CCDC169: variants seen among roughly 807,000 people sequenced by gnomAD.
The protein encoded by CCDC169 is coiled-coil domain containing 169.
CCDC169 carries 30 observed loss-of-function variants against 36.0 expected under a neutral mutation model. The observed-to-expected ratio is 0.83, with a 90% CI of 0.62 to 1.13. CCDC169 has a LOEUF of 1.13. CCDC169 is among the 50% of genes most tolerant of loss of function. The pLI, the probability that CCDC169 is intolerant of heterozygous loss-of-function variation, is 0.00. For missense variants in CCDC169, 245 were observed against 245.9 expected (o/e 1.00, Z 0.03); for synonymous variants, 85 against 81.5 (o/e 1.04, Z -0.23).
chr13:36,296,349 T>C (rs1342400956), intron 1 of CCDC169, among the ~76,000 whole-genome samples: 1 of 152,160 alleles, frequency 6.6e-6, no homozygotes, highest in Non-Finnish European at 1.5e-5. Flanking sequence ...AGCCTCGGCC[T>C]CCCAAAGTGC....
chr13:36,258,088 C>T (rs573272146), intron 4 of CCDC169, among the ~76,000 whole-genome samples: 4 of 151,772 alleles, frequency 2.6e-5, no homozygotes, highest in Non-Finnish European at 5.9e-5. Context: ...AGAATTTGAC[C>T]CTAGTTTTCA....
At chr13:36,296,713 C>T (rs2138668429) in intron 1 of CCDC169, among the ~76,000 whole-genome samples, 1 of 152,222 alleles carries the variant, frequency 6.6e-6, no homozygotes, top group Middle Eastern at 3.4e-3. Flanking sequence ...ATAGCAATAG[C>T]GGCAGCAAAG....
At chr13:36,248,386 T>C (rs1306401299) in intron 7 of CCDC169, among the ~76,000 whole-genome samples, 6 of 151,932 alleles carry the variant, frequency 3.9e-5, no homozygotes, top group Admixed American at 2.0e-4. Flanking sequence ...TAATATATTA[T>C]CGTGCTTGAG....
intron 4 of CCDC169, chr13:36,279,993 G>A (rs1435737197): frequency 2.0e-5 from 3 of 151,990 alleles, no homozygotes; most frequent in East Asian, 1.9e-4. Flanking sequence ...GCTAATTTAC[G>A]TAATTCATGA....
intron 4 of CCDC169, among the ~76,000 whole-genome samples, chr13:36,262,738 T>C (rs190041644): frequency 6.6e-6 from 1 of 152,292 alleles, no homozygotes; most frequent in East Asian, 1.9e-4. Flanking sequence ...AAAAGGGCCA[T>C]CTAACTATAG....
intron 4 of CCDC169, among the ~76,000 whole-genome samples, chr13:36,255,083 C>G (rs1005577890): frequency 1.3e-5 from 2 of 152,152 alleles, no homozygotes; most frequent in African/African-American, 4.8e-5. Flanking sequence ...GGTCATCCAG[C>G]TTTCCTGAGG....
chr13:36,292,690 G>T (rs946090872), intron 2 of CCDC169, among the ~76,000 whole-genome samples: 3 of 152,164 alleles, frequency 2.0e-5, no homozygotes, highest in Non-Finnish European at 2.9e-5. Flanking sequence ...TGTAAATGGG[G>T]CAGGGACAGG....
intron 6 of CCDC169, among the ~76,000 whole-genome samples, chr13:36,249,570 C>T (rs1872894350): frequency 6.6e-6 from 1 of 152,120 alleles, no homozygotes; most frequent in African/African-American, 2.4e-5. Flanking sequence ...TTCATTTATT[C>T]ATGAAGTTTG....
chr13:36,274,308 T>A (rs1162189346), intron 4 of CCDC169: 1 of 152,184 alleles, frequency 6.6e-6, no homozygotes, highest in East Asian at 1.9e-4. Context: ...ATACCAGAGA[T>A]CCTTGAAAAG....
downstream of CCDC169, chr13:36,225,838 T>C (rs1869847427): frequency 6.6e-6 from 1 of 151,126 alleles, no homozygotes; most frequent in African/African-American, 2.5e-5. Context: ...ATGAAAAAAA[T>C]GCTCTACATC....
chr13:36,236,727 T>C (rs1447370622), intron 7 of CCDC169, among the ~76,000 whole-genome samples: 1 of 152,062 alleles, frequency 6.6e-6, no homozygotes, highest in Non-Finnish European at 1.5e-5. Flanking sequence ...TAAGGTCTCA[T>C]ACTCAGAATA....
At chr13:36,244,880 C>G (rs1194958145) in intron 7 of CCDC169, among the ~76,000 whole-genome samples, 1 of 133,832 alleles carries the variant, frequency 7.5e-6, no homozygotes, top group Non-Finnish European at 1.6e-5. Flanking sequence ...AATAGTTTTT[C>G]CAGGGAAGTC....
intron 1 of CCDC169, among the ~76,000 whole-genome samples, chr13:36,296,089 T>A (rs1879447485): frequency 6.6e-6 from 1 of 152,134 alleles, no homozygotes; most frequent in South Asian, 2.1e-4. Flanking sequence ...AAATCTTTTA[T>A]TTATTTTTAT....
chr13:36,284,905 G>A (rs978466148), intron 2 of CCDC169, among the ~76,000 whole-genome samples: 3 of 152,088 alleles, frequency 2.0e-5, no homozygotes, highest in Non-Finnish European at 2.9e-5. Flanking sequence ...TCTACCAAAG[G>A]GGATGGAACC....
chr13:36,278,961 A>G (rs148712386), intron 4 of CCDC169, among the ~76,000 whole-genome samples: 2 of 152,328 alleles, frequency 1.3e-5, no homozygotes, highest in East Asian at 1.9e-4. Flanking sequence ...TAATCCATGA[A>G]GTTATTCAAG....
intron 2 of CCDC169, among the ~76,000 whole-genome samples, chr13:36,295,491 T>A (rs1334635439): frequency 6.6e-6 from 1 of 152,210 alleles, no homozygotes; most frequent in Non-Finnish European, 1.5e-5. Context: ...ACTGGTGATA[T>A]TTATTTAATA....
chr13:36,283,405 G>A (rs933436284), intron 4 of CCDC169, 64 bp downstream of exon 4: 3 of 1,433,214 alleles, frequency 2.1e-6, no homozygotes, highest in African/African-American at 2.9e-5. Flanking sequence ...TTTGAAATAC[G>A]TCTGGAAAAA....
intron 7 of CCDC169, among the ~76,000 whole-genome samples, chr13:36,243,177 C>T (rs535838415): frequency 6.6e-6 from 1 of 152,292 alleles, no homozygotes; most frequent in Non-Finnish European, 1.5e-5. Context: ...AGCCTTCCCC[C>T]ACAGGTGTTG....
chr13:36,264,310 T>C (rs928165804), intron 4 of CCDC169, among the ~76,000 whole-genome samples: 1 of 151,884 alleles, frequency 6.6e-6, no homozygotes, highest in Non-Finnish European at 1.5e-5. Flanking sequence ...GTCCCTAAAA[T>C]GAGAAGGATT....
Sources: allele counts gnomAD v4.1 joint callset (sites outside exome capture counted in the v4.1 genomes callset), GRCh38; gene constraint gnomAD v4.1.1; transcripts MANE v1.5; gene names NCBI Gene and HGNC (gene_info 2026-07-23, HGNC 2026-07-21).